Variants in TSN observed in about 807,000 individuals in gnomAD.
The protein encoded by TSN is component 3 of promoter of RISC.
Under a neutral mutation model 29.4 loss-of-function variants are expected in TSN, and 5 were observed. That is an observed-to-expected ratio of 0.17 (90% CI 0.09 to 0.36). TSN has a LOEUF of 0.36. Among genes scored for constraint, TSN ranks in the 10% least tolerant of loss-of-function variants. TSN has a pLI of 1.00. For synonymous variants in TSN, 106 were observed against 102.2 expected, an observed-to-expected ratio of 1.04 and a Z score of -0.23; for missense variants, 159 against 272.8, an observed-to-expected ratio of 0.58 and a Z score of 2.94.
intron 4 of TSN, among the ~76,000 whole-genome samples, chr2:121,762,287 C>T (rs895646836): frequency 6.6e-6 from 1 of 152,024 alleles, no homozygotes; most frequent in Non-Finnish European, 1.5e-5. Context: ...TGACCGCACT[C>T]AGCCAATTTT....
chr2:121,763,110 T>C (rs2074852700), intron 5 of TSN, 26 bp downstream of exon 5: 21 of 1,532,108 alleles, frequency 1.4e-5, no homozygotes, highest in Non-Finnish European at 1.8e-5. Flanking sequence ...TGCTGGTTGC[T>C]TTTTTGATCT....
At chr2:121,763,235 C>T (rs1409530398) in intron 5 of TSN, 151 bp downstream of exon 5, 17 of 532,500 alleles carry the variant, frequency 3.2e-5, no homozygotes, top group Non-Finnish European at 4.4e-5. Context: ...CTCCGCCTCC[C>T]GAGTTCATGC....
chr2:121,756,129 G>A, intron 1 of TSN: 1 of 521,082 alleles, frequency 1.9e-6, no homozygotes, highest in Non-Finnish European at 3.4e-6. Context: ...ATTAGCACCT[G>A]GTCTTCAGCG....
chr2:121,760,767 A>G (rs78395389), intron 3 of TSN, among the ~76,000 whole-genome samples: 2,196 of 152,266 alleles, frequency 0.014, 52 homozygotes, highest in African/African-American at 0.051. Flanking sequence ...ATCATCAGTT[A>G]CAAATTTTTA....
chr2:121,755,909 CCCT>C (rs778013194), intron 1 of TSN, 64 bp downstream of exon 1: 4 of 1,608,246 alleles, frequency 2.5e-6, no homozygotes, highest in Non-Finnish European at 1.7e-6. Context: ...CTTCGCCCGG[CCCT>C]CCTCTGTCGC....
chr2:121,756,056 C>A, intron 1 of TSN: 1 of 1,021,216 alleles, frequency 9.8e-7, no homozygotes, highest in Non-Finnish European at 1.4e-6. Context: ...AGCTTCTCAG[C>A]ATCACTTGCC....
chr2:121,756,128 T>C (rs988855322), intron 1 of TSN: 1 of 532,632 alleles, frequency 1.9e-6, no homozygotes, highest in African/African-American at 1.9e-5. Context: ...GATTAGCACC[T>C]GGTCTTCAGC....
At chr2:121,757,196 A>G (rs1455392342) in intron 1 of TSN, 44 bp from the exon 2 acceptor site, 10 of 1,566,492 alleles carry the variant, frequency 6.4e-6, no homozygotes, top group Middle Eastern at 1.7e-4. Flanking sequence ...GTGTATGACA[A>G]TGATTCTGTT....
At chr2:121,761,826 AT>A (rs57744560) in intron 4 of TSN, among the ~76,000 whole-genome samples, 31,209 of 146,344 alleles carry the variant, frequency 0.21, 5,485 homozygotes, top group African/African-American at 0.49. Flanking sequence ...CTATGTAAAT[AT>A]TTTTTTTTTT....
intron 3 of TSN, among the ~76,000 whole-genome samples, chr2:121,759,627 G>A (rs2074795011): frequency 2.0e-5 from 3 of 151,860 alleles, no homozygotes; most frequent in Admixed American, 2.0e-4. Flanking sequence ...AACAACTTGT[G>A]AAACATGGAT....
At chr2:121,759,606 T>TA (rs965640042) in intron 3 of TSN, among the ~76,000 whole-genome samples, 83 of 142,076 alleles carry the variant, frequency 5.8e-4, no homozygotes, top group Middle Eastern at 3.6e-3. Context: ...AGACTCCATC[T>TA]AAAAAAAAAA....
intron 1 of TSN, 97 bp from the exon 2 acceptor site, chr2:121,757,143 G>T: frequency 8.7e-7 from 1 of 1,145,424 alleles, no homozygotes; most frequent in Non-Finnish European, 1.3e-6. Context: ...ATTCAAACTT[G>T]GTTATGATAG....
intron 4 of TSN, 91 bp downstream of exon 4, chr2:121,761,615 A>C: frequency 1.0e-6 from 1 of 980,966 alleles, no homozygotes; most frequent in South Asian, 1.3e-5. Context: ...TATTAAAACA[A>C]ACAAGAATTA....
At chr2:121,763,202 G>A in intron 5 of TSN, 118 bp downstream of exon 5, 1 of 676,502 alleles carries the variant, frequency 1.5e-6, no homozygotes, top group Non-Finnish European at 2.3e-6. Context: ...GAGTGCAGTG[G>A]CGCAATCTCG....
intron 5 of TSN, 145 bp from the exon 6 acceptor site, chr2:121,764,989 G>A: frequency 1.4e-6 from 1 of 730,340 alleles, no homozygotes; most frequent in Non-Finnish European, 2.4e-6. Context: ...AGAAGCTCCT[G>A]TCTTGTCTGT....
rs752366021 is a variant in TSN, at chr2:121,767,328, A to C, written c.*1961A>C. 6.6e-6 allele frequency: 1 copy of C among 152,168 alleles called. No homozygotes were observed. The highest frequency in any genetic ancestry group is 1.5e-5 in the Non-Finnish European group (1 of 68,028). The allele number at this position is 152,168 out of a possible 1,614,324, so 9.4% of individuals were successfully genotyped here. A position where few individuals can be genotyped will look rare whatever the true frequency, so the allele number is the denominator to read the frequency against. On this transcript the variant is annotated 3_prime_UTR_variant, in exon 6 of 6. Coordinates refer to ENST00000389682, the MANE Select transcript of TSN (RefSeq NM_004622.3). ...CTGCTGTAAGAAATCTCCCATGTGC[A>C]TAACAAATTCTGAATATTTTTTGAG...
intron 4 of TSN, among the ~76,000 whole-genome samples, chr2:121,762,364 G>C (rs1159266230): frequency 6.6e-6 from 1 of 152,046 alleles, no homozygotes. Flanking sequence ...TCCTGACCTC[G>C]TGATTTGCCC....
At chr2:121,757,127 G>A in intron 1 of TSN, 113 bp from the exon 2 acceptor site, 1 of 969,790 alleles carries the variant, frequency 1.0e-6, no homozygotes, top group Non-Finnish European at 1.5e-6. Flanking sequence ...AAGTGGAAAA[G>A]TCAGGATTCA....
At chr2:121,761,579 G>A in intron 4 of TSN, 55 bp downstream of exon 4, 1 of 1,312,254 alleles carries the variant, frequency 7.6e-7, no homozygotes, top group Non-Finnish European at 1.1e-6. Context: ...CTTACTTTTT[G>A]GTGGAAAGGG....
Sources: gnomAD v4.1 joint callset for allele counts (sites outside exome capture counted in the v4.1 genomes callset) on GRCh38, gnomAD v4.1.1 for gene constraint, MANE v1.5 for transcripts, NCBI Gene and HGNC (gene_info 2026-07-23, HGNC 2026-07-21) for gene names.